KHDC1: variants seen among roughly 807,000 people sequenced by gnomAD.
The protein encoded by KHDC1 is KH homology domain-containing protein 1.
In KHDC1, 21 loss-of-function variants were observed where a neutral mutation model predicts 24.7. The ratio of observed to expected loss-of-function variants is 0.85; its 90% CI spans 0.60 to 1.23. The LOEUF (loss-of-function observed/expected upper bound fraction) is 1.23, where lower values mean the gene tolerates loss of function less well. Among genes scored for constraint, KHDC1 ranks in the 50% most tolerant of loss-of-function variants. KHDC1 has a pLI of 0.00. For synonymous variants in KHDC1, 98 were observed against 111.7 expected (o/e 0.88, Z 0.77); for missense variants, 274 against 298.5 (o/e 0.92, Z 0.61).
chr6:73,250,548 CATA>C (rs1160290419), intron 2 of KHDC1, among the ~76,000 whole-genome samples: 3 of 152,258 alleles, frequency 2.0e-5, no homozygotes, highest in African/African-American at 7.2e-5. Flanking sequence ...GAGCCCTTGG[CATA>C]ATATGCCTGG....
At chr6:73,285,339 T>TC (rs1169207115) in intron 2 of KHDC1, among the ~76,000 whole-genome samples, 5 of 151,910 alleles carry the variant, frequency 3.3e-5, no homozygotes, top group Non-Finnish European at 7.4e-5. Flanking sequence ...CTCTTCTTTT[T>TC]TTTTTTTTTT....
chr6:73,302,485 C>A (rs375344165), intron 1 of KHDC1, among the ~76,000 whole-genome samples: 2 of 152,112 alleles, frequency 1.3e-5, no homozygotes, highest in African/African-American at 4.8e-5. Flanking sequence ...AAGCTTATTA[C>A]CCCTAGGCTA....
At chr6:73,272,602 C>A (rs1381411466) in intron 2 of KHDC1, among the ~76,000 whole-genome samples, 1 of 151,652 alleles carries the variant, frequency 6.6e-6, no homozygotes, top group Non-Finnish European at 1.5e-5. Flanking sequence ...TGGTAAGACC[C>A]TGTCTCTACT....
At chr6:73,296,901 ATGTTTTTGTTTT>A (rs1026336440) in intron 1 of KHDC1, among the ~76,000 whole-genome samples, 2 of 151,840 alleles carry the variant, frequency 1.3e-5, no homozygotes, top group Admixed American at 1.3e-4. Context: ...TATGTACTAT[ATGTTTTTGTTTT>A]TGTTTTGAGA....
intron 2 of KHDC1, among the ~76,000 whole-genome samples, chr6:73,263,938 C>G (rs1490837304): frequency 2.0e-5 from 3 of 152,204 alleles, no homozygotes; most frequent in Admixed American, 1.3e-4. Context: ...GTGGCTCACA[C>G]CTGTAATCCC....
chr6:73,293,322 G>A, intron 1 of KHDC1: 1 of 531,940 alleles, frequency 1.9e-6, no homozygotes, highest in Non-Finnish European at 3.5e-6. Flanking sequence ...AAAGAAAGAT[G>A]AAATAATAAA....
At chr6:73,270,699 T>G (rs1184812818) in intron 2 of KHDC1, among the ~76,000 whole-genome samples, 1 of 151,916 alleles carries the variant, frequency 6.6e-6, no homozygotes, top group African/African-American at 2.4e-5. Context: ...TTTTCTTTTT[T>G]TTTTTTCTGA....
intron 2 of KHDC1, among the ~76,000 whole-genome samples, chr6:73,261,399 C>T (rs898884739): frequency 6.6e-6 from 1 of 151,786 alleles, no homozygotes; most frequent in Non-Finnish European, 1.5e-5. Flanking sequence ...GCTAAGATCA[C>T]GCCACTGCCT....
exon 1 of KHDC1, chr6:73,309,876 A>C: frequency 1.3e-6 from 1 of 750,786 alleles, no homozygotes; most frequent in Non-Finnish European, 2.1e-6. Flanking sequence ...GTCAACCCAG[A>C]CTGGACCAAT....
intron 1 of KHDC1, chr6:73,292,113 T>C: frequency 2.5e-6 from 4 of 1,598,274 alleles, no homozygotes; most frequent in Non-Finnish European, 8.6e-7. Context: ...GCCAACATGG[T>C]AGACTTTGCT....
intron 2 of KHDC1, among the ~76,000 whole-genome samples, chr6:73,284,474 A>G (rs545672399): frequency 6.6e-6 from 1 of 152,230 alleles, no homozygotes; most frequent in African/African-American, 2.4e-5. Context: ...TTCATCTTCA[A>G]CCATTCCCTA....
intron 2 of KHDC1, among the ~76,000 whole-genome samples, chr6:73,280,589 C>T (rs144485283): frequency 2.6e-3 from 381 of 144,662 alleles, no homozygotes; most frequent in African/African-American, 9.2e-3. Context: ...GGCATAATCT[C>T]GGCTCACCGC....
chr6:73,275,749 ACCTT>A (rs1767278878), intron 2 of KHDC1: 1 of 157,998 alleles, frequency 6.3e-6, no homozygotes, highest in Non-Finnish European at 1.5e-5. Context: ...TAAAACTTCA[ACCTT>A]CCTTTCTACA....
chr6:73,309,681 A>G, exon 1 of KHDC1: 2 of 1,550,072 alleles, frequency 1.3e-6, no homozygotes, highest in Non-Finnish European at 1.7e-6. Flanking sequence ...ATCACAAATA[A>G]GACTCGGAAC....
chr6:73,260,250 C>A (rs908550896), intron 2 of KHDC1, among the ~76,000 whole-genome samples: 14 of 152,108 alleles, frequency 9.2e-5, no homozygotes, highest in Admixed American at 5.2e-4. Flanking sequence ...TGAAATCATT[C>A]TATCAAGATG....
intron 2 of KHDC1, among the ~76,000 whole-genome samples, chr6:73,273,967 G>A (rs1264163866): frequency 1.3e-5 from 2 of 151,974 alleles, no homozygotes; most frequent in Non-Finnish European, 2.9e-5. Context: ...AAAATAAAAA[G>A]TTAACCAGGT....
At position 73,278,903 on chromosome 6, in the gene KHDC1, A is replaced by G. The variant is rs113173794; in HGVS notation, c.206+13095T>C. 3.9e-3 allele frequency among the ~76,000 whole-genome samples: 601 copies of G among 152,320 alleles called. 8 individuals are homozygous for G. The highest frequency in any genetic ancestry group is 0.014 in the African/African-American group (567 of 41,574). On this transcript the variant is annotated intron_variant, in intron 2 of 4. Transcript: ENST00000370384. ...GATGAGGACAGTGTGAGAACATCAA[A>G]TAACGTTTTTCCTGCCTCTTTGTCA...
chr6:73,241,685 G>T (rs887483060), exon 5 of KHDC1: 1 of 1,614,158 alleles, frequency 6.2e-7, no homozygotes, highest in South Asian at 1.1e-5. Context: ...CCAGGTCATC[G>T]TTGGTCAGAG....
chr6:73,282,443 T>C (rs560256557), intron 2 of KHDC1, among the ~76,000 whole-genome samples: 3 of 152,226 alleles, frequency 2.0e-5, no homozygotes, highest in South Asian at 4.1e-4. Context: ...TTCCTGGGCT[T>C]AGGCTCAACT....
Sources: gnomAD v4.1 joint callset for allele counts (sites outside exome capture counted in the v4.1 genomes callset) on GRCh38, gnomAD v4.1.1 for gene constraint, MANE v1.5 for transcripts, NCBI Gene and HGNC (gene_info 2026-07-23, HGNC 2026-07-21) for gene names.